CTNNA3: variants seen among roughly 807,000 people sequenced by gnomAD.
The protein encoded by CTNNA3 is catenin alpha-3.
CTNNA3 carries 76 observed loss-of-function variants against 95.7 expected under a neutral mutation model. The ratio of observed to expected loss-of-function variants is 0.79; its 90% confidence interval spans 0.66 to 0.96. The LOEUF (loss-of-function observed/expected upper bound fraction) is 0.96. Among genes scored for constraint, CTNNA3 ranks in the 40% least tolerant of loss-of-function variants. The pLI is 0.00. For missense variants in CTNNA3, 1,191 were observed against 1,089.8 expected (o/e 1.09, Z -1.31); for synonymous variants, 431 against 374.4 (o/e 1.15, Z -1.74).
chr10:66,464,498 C>T (rs1302953663), intron 11 of CTNNA3, among the ~76,000 whole-genome samples: 1 of 152,070 alleles, frequency 6.6e-6, no homozygotes, highest in Non-Finnish European at 1.5e-5. Flanking sequence ...CACGGAGGCT[C>T]ACACCTATAA....
chr10:66,057,549 TC>T (rs1328463049), intron 15 of CTNNA3, among the ~76,000 whole-genome samples: 5 of 152,162 alleles, frequency 3.3e-5, no homozygotes, highest in Non-Finnish European at 5.9e-5. Flanking sequence ...ACAGATAAAA[TC>T]AGTCTCCTTT....
intron 10 of CTNNA3, among the ~76,000 whole-genome samples, chr10:66,543,567 C>G (rs1841934364): frequency 6.6e-6 from 1 of 151,738 alleles, no homozygotes; most frequent in Admixed American, 6.6e-5. Context: ...GGTTATACAC[C>G]AAATATTATT....
intron 13 of CTNNA3, among the ~76,000 whole-genome samples, chr10:66,109,057 C>T (rs1417894149): frequency 1.3e-5 from 2 of 152,264 alleles, no homozygotes; most frequent in Admixed American, 6.5e-5. Context: ...CTAACTTGCC[C>T]TACTCCTTGA....
At chr10:66,413,463 A>G (rs558776923) in intron 11 of CTNNA3, among the ~76,000 whole-genome samples, 36 of 152,304 alleles carry the variant, frequency 2.4e-4, no homozygotes, top group African/African-American at 8.4e-4. Flanking sequence ...AGTGTTCTGA[A>G]ATGTCTCTGA....
intron 11 of CTNNA3, among the ~76,000 whole-genome samples, chr10:66,436,838 GC>G (rs1007422706): frequency 1.2e-4 from 19 of 152,020 alleles, no homozygotes; most frequent in African/African-American, 4.1e-4. Flanking sequence ...GTTTTTCCTT[GC>G]CATGTTTAGT....
At chr10:66,684,555 T>A (rs2394295) in intron 9 of CTNNA3, among the ~76,000 whole-genome samples, 48,632 of 152,018 alleles carry the variant, frequency 0.32, 8,741 homozygotes, top group East Asian at 0.58. Context: ...TTCAGCAGTC[T>A]TTTTCTTCAA....
chr10:66,737,207 A>C (rs1481344319), intron 9 of CTNNA3, among the ~76,000 whole-genome samples: 1 of 152,152 alleles, frequency 6.6e-6, no homozygotes, highest in South Asian at 2.1e-4. Context: ...AGTTCACTTA[A>C]ATTTTCAGTA....
chr10:67,648,874 C>T, intron 1 of CTNNA3: 1 of 1,015,438 alleles, frequency 9.8e-7, no homozygotes, highest in South Asian at 1.5e-5. Flanking sequence ...CAAATGGTTT[C>T]TCTCAAATGC....
At chr10:65,989,181 C>T (rs1204311067) in intron 15 of CTNNA3, among the ~76,000 whole-genome samples, 1 of 152,164 alleles carries the variant, frequency 6.6e-6, no homozygotes. Context: ...CCTCGTGATC[C>T]ACCCGCCTCG....
intron 7 of CTNNA3, among the ~76,000 whole-genome samples, chr10:67,076,307 T>G (rs1856745484): frequency 6.6e-6 from 1 of 152,254 alleles, no homozygotes; most frequent in Non-Finnish European, 1.5e-5. Flanking sequence ...GAGATCATGT[T>G]ACTTCAGTCC....
At chr10:66,697,877 A>G (rs1460669935) in intron 9 of CTNNA3, among the ~76,000 whole-genome samples, 1 of 152,146 alleles carries the variant, frequency 6.6e-6, no homozygotes, top group African/African-American at 2.4e-5. Flanking sequence ...CCTCATAAGC[A>G]TTGCTACACT....
At chr10:66,059,430 G>C (rs2080151359) in intron 15 of CTNNA3, among the ~76,000 whole-genome samples, 1 of 152,052 alleles carries the variant, frequency 6.6e-6, no homozygotes, top group Non-Finnish European at 1.5e-5. Context: ...AGTAGACTCA[G>C]GTATAAAAAC....
chr10:66,790,203 C>A (rs2132875736), intron 7 of CTNNA3, among the ~76,000 whole-genome samples: 1 of 152,270 alleles, frequency 6.6e-6, no homozygotes, highest in East Asian at 1.9e-4. Context: ...AATGCCAGCA[C>A]TTTGGGGTGC....
intron 7 of CTNNA3, among the ~76,000 whole-genome samples, chr10:67,012,721 C>G (rs1564830986): frequency 6.6e-6 from 1 of 152,004 alleles, no homozygotes. Flanking sequence ...TGATGTATTT[C>G]CAGCTTCACG....
chr10:66,251,425 T>C (rs2090548050), intron 13 of CTNNA3, among the ~76,000 whole-genome samples: 1 of 152,202 alleles, frequency 6.6e-6, no homozygotes, highest in Admixed American at 6.5e-5. Context: ...ATTTTATCAG[T>C]TTCCAAAAAT....
intron 12 of CTNNA3, among the ~76,000 whole-genome samples, chr10:66,346,246 T>TATATATATAGAGAG (rs1416945569): frequency 2.2e-4 from 6 of 27,792 alleles, no homozygotes; most frequent in Non-Finnish European, 3.8e-4. Context: ...TATATATATA[T>TATATATATAGAGAG]AGAGAGAGAG....
At chr10:67,186,984 T>A (rs1437978192) in intron 6 of CTNNA3, among the ~76,000 whole-genome samples, 11 of 152,202 alleles carry the variant, frequency 7.2e-5, no homozygotes, top group African/African-American at 2.4e-4. Context: ...CGCATAGCTA[T>A]AAACAAATAT....
chr10:66,322,476 G>A (rs1303403954), intron 12 of CTNNA3, among the ~76,000 whole-genome samples: 1 of 152,086 alleles, frequency 6.6e-6, no homozygotes, highest in Non-Finnish European at 1.5e-5. Flanking sequence ...TCAGTTGGAG[G>A]AGGTGAGGCA....
chr10:66,028,703 C>T (rs189456327), intron 15 of CTNNA3, among the ~76,000 whole-genome samples: 272 of 151,886 alleles, frequency 1.8e-3, no homozygotes, highest in Non-Finnish European at 2.2e-3. Context: ...ATGTAACTAA[C>T]CTGCACATTG....
Sources: gnomAD v4.1 joint callset for allele counts (sites outside exome capture counted in the v4.1 genomes callset) on GRCh38, gnomAD v4.1.1 for gene constraint, MANE v1.5 for transcripts, NCBI Gene and HGNC (gene_info 2026-07-23, HGNC 2026-07-21) for gene names.